The following PCDH7 variants were observed in gnomAD, a reference collection of about 807,000 sequenced individuals.
PCDH7 encodes the protein protocadherin-7.
PCDH7 carries 17 observed loss-of-function variants against 58.9 expected under a neutral mutation model. The observed-to-expected ratio is 0.29, with a 90% CI of 0.20 to 0.43. PCDH7 has a LOEUF of 0.43. Among genes scored for constraint, PCDH7 ranks in the 20% least tolerant of loss-of-function variants. The probability of loss-of-function intolerance (pLI) is 1.00; values close to 1 mark genes in which losing one functional copy is unlikely to be tolerated. For synonymous variants in PCDH7, 664 were observed against 616.4 expected (o/e 1.08, Z -1.14); for missense variants, 1,274 against 1,441.0 (o/e 0.88, Z 1.88).
intron 1 of PCDH7, among the ~76,000 whole-genome samples, chr4:30,831,781 G>T (rs562112605): frequency 5.3e-5 from 8 of 152,086 alleles, no homozygotes; most frequent in African/African-American, 1.2e-4. Context: ...TGTAAAATGG[G>T]CATAAACCCC....
intron 3 of PCDH7, among the ~76,000 whole-genome samples, chr4:31,056,507 A>AAGAAAG: frequency 9.2e-6 from 1 of 108,500 alleles, no homozygotes; most frequent in African/African-American, 3.7e-5. Context: ...GAAAGAAAGA[A>AAGAAAG]AGAAAGAAAG....
At chr4:30,942,926 T>C (rs1746226723) in intron 2 of PCDH7, among the ~76,000 whole-genome samples, 1 of 151,288 alleles carries the variant, frequency 6.6e-6, no homozygotes, top group South Asian at 2.1e-4. Context: ...ACTATGCTAC[T>C]CTTTACACAT....
intron 1 of PCDH7, among the ~76,000 whole-genome samples, chr4:30,896,828 C>T (rs1739452112): frequency 6.8e-6 from 1 of 146,738 alleles, no homozygotes; most frequent in Non-Finnish European, 1.5e-5. Flanking sequence ...TGGACACCAG[C>T]CTGCTTTTGA....
intron 3 of PCDH7, among the ~76,000 whole-genome samples, chr4:30,957,584 G>A (rs1252409130): frequency 6.6e-6 from 1 of 152,062 alleles, no homozygotes; most frequent in Non-Finnish European, 1.5e-5. Context: ...GACATTGGGT[G>A]GGGTGATTGT....
rs537269931 is a variant in PCDH7, at chr4:30,956,211, G to A, written c.*7+5996G>A. Among the ~76,000 whole-genome samples, 11 of 150,744 alleles carry A rather than the reference G, an allele frequency of 7.3e-5. No homozygotes were observed. The East Asian group carries it at 2.0e-3, about 27-fold the overall frequency. On this transcript the variant is annotated intron_variant, in intron 3 of 3. Transcript: ENST00000509759. ...CCTGGGCACTCCAGCCTGGGCAACA[G>A]AGTGAGACTGCATCTCAAAAAAAAA...
chr4:30,869,784 T>C (rs184088845), intron 1 of PCDH7, among the ~76,000 whole-genome samples: 1 of 152,272 alleles, frequency 6.6e-6, no homozygotes, highest in Admixed American at 6.5e-5. Flanking sequence ...TTTATAATCC[T>C]TTGGGTGTAT....
chr4:30,754,786 T>A (rs1719058128), intron 1 of PCDH7, among the ~76,000 whole-genome samples: 1 of 152,210 alleles, frequency 6.6e-6, no homozygotes, highest in South Asian at 2.1e-4. Flanking sequence ...CATTATCTAA[T>A]TACATAGCTT....
At chr4:30,848,046 T>G (rs1418813454) in intron 1 of PCDH7, among the ~76,000 whole-genome samples, 1 of 152,166 alleles carries the variant, frequency 6.6e-6, no homozygotes, top group Non-Finnish European at 1.5e-5. Flanking sequence ...TTAATGTATA[T>G]GAAGATGGAT....
chr4:31,033,508 T>C lies in PCDH7; in HGVS notation c.*7+83293T>C, dbSNP rs550775693. Among the ~76,000 whole-genome samples the C allele has an allele frequency of 3.3e-5, 5 of 152,308 alleles. No homozygotes were observed. The South Asian group carries it at 6.2e-4, about 19-fold the overall frequency. On this transcript the variant is annotated intron_variant, in intron 3 of 3. Transcript: ENST00000509759. ...GCAGAATTTGCTTCAACATGCTAAC[T>C]CCAATTGCGTCATGTTATACAACTG...
At chr4:31,115,909 A>G (rs1159636953) in intron 3 of PCDH7, among the ~76,000 whole-genome samples, 1 of 152,210 alleles carries the variant, frequency 6.6e-6, no homozygotes, top group Non-Finnish European at 1.5e-5. Context: ...TTGTATCCAG[A>G]GGCCTTAAGT....
At chr4:31,050,545 T>C (rs554756081) in intron 3 of PCDH7, among the ~76,000 whole-genome samples, 2 of 152,262 alleles carry the variant, frequency 1.3e-5, no homozygotes, top group South Asian at 2.1e-4. Context: ...CCATGCTTCA[T>C]TGTGATTGCC....
chr4:30,795,345 T>G (rs1411632321), intron 1 of PCDH7, among the ~76,000 whole-genome samples: 1 of 152,176 alleles, frequency 6.6e-6, no homozygotes, highest in African/African-American at 2.4e-5. Flanking sequence ...TGTGGGTAAG[T>G]GAACATTTTA....
chr4:30,734,885 C>G (rs1716028836), downstream of PCDH7, among the ~76,000 whole-genome samples: 1 of 152,144 alleles, frequency 6.6e-6, no homozygotes, highest in African/African-American at 2.4e-5. Flanking sequence ...TTGCTATTTT[C>G]TGCCCCTGCT....
intron 1 of PCDH7, among the ~76,000 whole-genome samples, chr4:30,917,951 TTTC>T (rs1161694589): frequency 1.3e-5 from 2 of 152,178 alleles, no homozygotes; most frequent in African/African-American, 2.4e-5. Flanking sequence ...TTTCTAATCA[TTTC>T]TTATTTTCTG....
chr4:31,079,309 G>GATATATATATAT (rs149501069), intron 3 of PCDH7, among the ~76,000 whole-genome samples: 1 of 67,404 alleles, frequency 1.5e-5, no homozygotes. Context: ...AATACTGGAA[G>GATATATATATAT]ATATATATAT....
At chr4:31,003,535 G>A (rs1752523699) in intron 3 of PCDH7, among the ~76,000 whole-genome samples, 1 of 151,978 alleles carries the variant, frequency 6.6e-6, no homozygotes, top group African/African-American at 2.4e-5. Flanking sequence ...TACCGGCTCA[G>A]TATCCCTTAT....
At chr4:31,098,924 C>T (rs73218829) in intron 3 of PCDH7, among the ~76,000 whole-genome samples, 3,473 of 152,222 alleles carry the variant, frequency 0.023, 49 homozygotes, top group Middle Eastern at 0.041. Flanking sequence ...CAGATGGTCA[C>T]CTTTTTGCTG....
At chr4:30,910,703 G>C (rs1317776500) in intron 1 of PCDH7, among the ~76,000 whole-genome samples, 1 of 152,180 alleles carries the variant, frequency 6.6e-6, no homozygotes, top group Non-Finnish European at 1.5e-5. Context: ...CTTTTACACT[G>C]TTCTTGGGAG....
chr4:30,735,623 AC>A (rs1417601071), downstream of PCDH7, among the ~76,000 whole-genome samples: 3 of 152,174 alleles, frequency 2.0e-5, no homozygotes, highest in East Asian at 3.9e-4. Flanking sequence ...TCCTTAAGAA[AC>A]GGGAATTTTG....
Sources: gnomAD v4.1 joint callset for allele counts (sites outside exome capture counted in the v4.1 genomes callset) on GRCh38, gnomAD v4.1.1 for gene constraint, MANE v1.5 for transcripts, NCBI Gene and HGNC (gene_info 2026-07-23, HGNC 2026-07-21) for gene names.